FBXO25: variants seen among roughly 807,000 people sequenced by gnomAD.
The protein encoded by FBXO25 is F-box only protein 25.
In FBXO25, 45 loss-of-function variants were observed where a neutral mutation model predicts 51.9. That is an observed-to-expected ratio of 0.87 (90% CI 0.68 to 1.11). The LOEUF (loss-of-function observed/expected upper bound fraction) is 1.11. FBXO25 is among the 50% of genes most tolerant of loss of function. FBXO25 has a pLI of 0.00. For missense variants in FBXO25, 507 were observed against 428.5 expected (o/e 1.18, Z -1.62); for synonymous variants, 199 against 151.0 (o/e 1.32, Z -2.33).
intron 7 of FBXO25, among the ~76,000 whole-genome samples, chr8:457,358 C>G (rs1184542798): frequency 1.3e-5 from 2 of 152,168 alleles, no homozygotes; most frequent in Admixed American, 1.3e-4. Flanking sequence ...AACCTCAGAG[C>G]AGAGTTTAGT....
intron 2 of FBXO25, among the ~76,000 whole-genome samples, chr8:415,812 A>G (rs1796763274): frequency 6.6e-6 from 1 of 152,210 alleles, no homozygotes; most frequent in Non-Finnish European, 1.5e-5. Context: ...ATTCCTATAA[A>G]GGAAAGATAC....
At chr8:410,668 G>A (rs1426044682) in intron 1 of FBXO25, among the ~76,000 whole-genome samples, 9 of 152,172 alleles carry the variant, frequency 5.9e-5, no homozygotes, top group South Asian at 4.1e-4. Context: ...ACTTTAGGTC[G>A]ACTGAACATG....
chr8:434,384 A>C (rs796373613), intron 4 of FBXO25, among the ~76,000 whole-genome samples: 82 of 152,328 alleles, frequency 5.4e-4, no homozygotes, highest in African/African-American at 1.7e-3. Context: ...GCTGTGATGG[A>C]TTTCAGATTA....
chr8:447,309 G>C (rs1380453012), intron 5 of FBXO25, among the ~76,000 whole-genome samples: 3 of 152,070 alleles, frequency 2.0e-5, no homozygotes, highest in Admixed American at 6.5e-5. Flanking sequence ...GCTGGAAGCT[G>C]CCCTTCCCCC....
At chr8:433,176 G>C (rs1399181427) in intron 4 of FBXO25, among the ~76,000 whole-genome samples, 4 of 152,170 alleles carry the variant, frequency 2.6e-5, no homozygotes, top group African/African-American at 9.7e-5. Flanking sequence ...ATTTGTGTGT[G>C]TTGTGTGTAT....
rs535109058 is a variant in FBXO25 at position 427,219 on chromosome 8, G to A, written c.135-4122G>A. ...TGTAGCTCCCTTCCGGGGAGGAGCTGACCAAAATGTCCTCCAGCTCCTGCT... is the reference window on the plus strand; with the variant it reads ...TGTAGCTCCCTTCCGGGGAGGAGCTAACCAAAATGTCCTCCAGCTCCTGCT... On this transcript the variant is annotated intron_variant, in intron 2 of 9. Transcript: ENST00000350302. Among the ~76,000 whole-genome samples, 4 of 152,202 alleles carry A rather than the reference G, an allele frequency of 2.6e-5. No homozygotes were observed. The South Asian group carries it at 6.2e-4, about 24-fold the overall frequency.
At chr8:464,652 T>C (rs1336023474) in intron 9 of FBXO25, among the ~76,000 whole-genome samples, 1 of 152,246 alleles carries the variant, frequency 6.6e-6, no homozygotes, top group African/African-American at 2.4e-5. Flanking sequence ...ACAACTGCTT[T>C]TCATTTTTTC....
intron 2 of FBXO25, among the ~76,000 whole-genome samples, chr8:430,728 A>G (rs926983642): frequency 2.0e-5 from 3 of 152,212 alleles, no homozygotes; most frequent in East Asian, 1.9e-4. Context: ...AGGTGTTCCC[A>G]TTGTTTAGTT....
intron 1 of FBXO25, among the ~76,000 whole-genome samples, chr8:412,587 C>T (rs1374196488): frequency 2.0e-5 from 3 of 152,124 alleles, no homozygotes; most frequent in African/African-American, 7.2e-5. Context: ...GAATAGCATC[C>T]AACTCCTCTA....
chr8:467,089 C>G (rs1282101464), intron 9 of FBXO25, among the ~76,000 whole-genome samples: 1 of 152,070 alleles, frequency 6.6e-6, no homozygotes, highest in East Asian at 1.9e-4. Context: ...GATGAGGTGT[C>G]CATGGTCTGG....
In FBXO25 at chr8:446,762, A is replaced by G. The variant is rs373742360; in HGVS notation, c.382-3228A>G. Among the ~76,000 whole-genome samples, 18 of 152,336 alleles carry G rather than the reference A, an allele frequency of 1.2e-4. No homozygotes were observed. The South Asian group carries it at 3.5e-3, about 30-fold the overall frequency. On this transcript the variant is annotated intron_variant, in intron 5 of 9. Transcript: ENST00000350302. The stretch of plus-strand genomic sequence containing the variant: ...GCCCTCAACTGGTGTGTTTTAGTGT[A>G]AGATATTTTTATGTAAATATGTTAG...
chr8:409,496 G>C (rs1181620222), intron 1 of FBXO25, among the ~76,000 whole-genome samples: 1 of 152,172 alleles, frequency 6.6e-6, no homozygotes, highest in African/African-American at 2.4e-5. Flanking sequence ...GTAGAGTTTA[G>C]GTAGTTGTAA....
chr8:450,101 T>G lies in FBXO25; in HGVS notation c.475+18T>G. 6.5e-7 allele frequency: 1 copy of G among 1,537,162 alleles called. No individual in the cohort carries two copies. The highest frequency in any genetic ancestry group is 1.2e-5 in the South Asian group (1 of 86,566). On this transcript the variant is annotated intron_variant, in intron 6 of 9. Coordinates refer to ENST00000350302, the MANE Select transcript of FBXO25 (RefSeq NM_183420.2). ...TCAAAAGGGTAAGATGATCACTGTA[T>G]TTTTAATACTCTAAATCTTAATTAG...
rs563350358 is a variant in FBXO25 at position 441,049 on chromosome 8, C to T, written c.381+5342C>T. On this transcript the variant is annotated intron_variant, in intron 5 of 9. Transcript: ENST00000350302. The stretch of plus-strand genomic sequence containing the variant: ...TGTGAACAGTGCTGCAATAAACATA[C>T]GTGTGCGTGTGTCTTTATAGTAGAA... Among the ~76,000 whole-genome samples the T allele has an allele frequency of 1.8e-4, 26 of 148,042 alleles. No individual in the cohort carries two copies. The East Asian group carries it at 5.1e-3, about 29-fold the overall frequency.
chr8:419,992 T>A (rs897029172), intron 2 of FBXO25, among the ~76,000 whole-genome samples: 4 of 152,108 alleles, frequency 2.6e-5, no homozygotes, highest in African/African-American at 9.7e-5. Flanking sequence ...CTTGCATGGA[T>A]TGCAGAGAAG....
Position 435,975 on chromosome 8 carries a change from A to G in FBXO25, c.381+268A>G, listed in dbSNP as rs571157199. On this transcript the variant is annotated intron_variant, in intron 5 of 9. Transcript: ENST00000350302. ...CTCTGTGGTTGCTGAGGATGCCACA[A>G]GGTGGTCCCTTGGGGGTTGTACCAC... 7.2e-5 allele frequency among the ~76,000 whole-genome samples: 11 copies of G among 152,350 alleles called. No homozygotes were observed. In the South Asian group the frequency reaches 8.3e-4, roughly 11 times the overall value.
chr8:477,330 C>T lies in FBXO25; in HGVS notation c.*8526C>T, dbSNP rs548045048. The stretch of plus-strand genomic sequence containing the variant: ...TGCGACTGATCTTCTGTCTGGTTGT[C>T]CTATCCGTTACTGAAAGTGGGCTAC... On this transcript the variant is annotated 3_prime_UTR_variant, in exon 10 of 10. Transcript: ENST00000350302. 3.0e-4 allele frequency: 45 copies of T among 152,328 alleles called. No individual in the cohort carries two copies. The highest frequency in any genetic ancestry group is 1.0e-3 in the African/African-American group (43 of 41,578). The allele number at this position is 152,328 out of a possible 1,614,324, so 9.4% of individuals were successfully genotyped here.
In FBXO25 at chr8:477,544, C is replaced by T. The variant is rs1000191576; in HGVS notation, c.*8740C>T. On this transcript the variant is annotated 3_prime_UTR_variant, in exon 10 of 10. Transcript: ENST00000350302. Reference sequence around the variant, plus strand: ...TGGGATTTCCTTTGAATCCGTGGGGCTGGGAGTAACTATAAATGAAACAAG... The same window carrying T: ...TGGGATTTCCTTTGAATCCGTGGGGTTGGGAGTAACTATAAATGAAACAAG... The T allele has an allele frequency of 1.3e-5, 2 of 152,172 alleles. No homozygotes were observed. The highest frequency in any genetic ancestry group is 6.5e-5 in the Admixed American group (1 of 15,292). 9.4% of individuals were successfully genotyped at this position (152,172 alleles called of 1,614,324 possible).
At chr8:438,533 G>C (rs1447956545) in intron 5 of FBXO25, among the ~76,000 whole-genome samples, 1 of 152,188 alleles carries the variant, frequency 6.6e-6, no homozygotes, top group African/African-American at 2.4e-5. Context: ...GTTTGGAATG[G>C]AAGTTTCGTT....
Sources: allele counts gnomAD v4.1 joint callset (sites outside exome capture counted in the v4.1 genomes callset), GRCh38; gene constraint gnomAD v4.1.1; transcripts MANE v1.5; gene names NCBI Gene and HGNC (gene_info 2026-07-23, HGNC 2026-07-21).